Variants in MFSD6 observed in about 807,000 individuals in gnomAD.
MFSD6 encodes the protein major facilitator superfamily domain containing 6, also known as major facilitator superfamily domain-containing protein 6.
A neutral mutation model predicts 56.3 loss-of-function variants in MFSD6; 26 were observed. The observed-to-expected ratio is 0.46, with a 90% CI of 0.34 to 0.64. MFSD6 has a LOEUF of 0.64. Ranked by LOEUF, MFSD6 falls within the 30% of genes least tolerant of loss-of-function variation. The pLI is 0.01. For synonymous variants in MFSD6, 331 were observed against 366.9 expected (o/e 0.90, Z 1.12); for missense variants, 750 against 986.2 (o/e 0.76, Z 3.21).
chr2:190,447,509 T>C lies in MFSD6; in HGVS notation c.1532+9948T>C, dbSNP rs1362049695. On this transcript the variant is annotated intron_variant, in intron 3 of 7. Coordinates refer to ENST00000392328, the MANE Select transcript of MFSD6 (RefSeq NM_017694.4). This position sits in a 1 kb window ranked among gnomAD's most constrained non-coding sequence, Gnocchi z 4.5. ...TACATATAGTCTGTGTCATAGCACA[T>C]ATGAAAAAATGACCTACCTAGTGAT... Among the ~76,000 whole-genome samples the C allele has an allele frequency of 6.7e-6, 1 of 149,042 alleles. No individual in the cohort carries two copies. Among genetic ancestry groups the C allele is most frequent in the Non-Finnish European group, 1.5e-5 (1 of 67,998 alleles).
intron 1 of MFSD6, among the ~76,000 whole-genome samples, chr2:190,414,325 G>A (rs1690689437): frequency 6.6e-6 from 1 of 152,134 alleles, no homozygotes; most frequent in Non-Finnish European, 1.5e-5. Flanking sequence ...ATCCAGCAAA[G>A]GCAAGCTTCT....
At position 190,434,928 on chromosome 2, in the gene MFSD6, A is replaced by G. The variant is rs1686126881; in HGVS notation, c.-53-1049A>G. ...CATGAGCTCTTCCTCCTGTCAGATC[A>G]GCAGAGGTATTAGATTTGCATAGGA... On this transcript the variant is annotated intron_variant, in intron 2 of 7. Coordinates refer to ENST00000392328, the MANE Select transcript of MFSD6 (RefSeq NM_017694.4). This position sits in a 1 kb window ranked among gnomAD's most constrained non-coding sequence, Gnocchi z 4.3. 1.3e-5 allele frequency among the ~76,000 whole-genome samples: 2 copies of G among 152,196 alleles called. No individual in the cohort carries two copies. Among genetic ancestry groups the G allele is most frequent in the African/African-American group, 4.8e-5 (2 of 41,444 alleles).
rs1392832173 is a variant in MFSD6 at position 190,424,704 on chromosome 2, C to T, written c.-54+9291C>T. On this transcript the variant is annotated intron_variant, in intron 2 of 7. Coordinates refer to ENST00000392328, the MANE Select transcript of MFSD6 (RefSeq NM_017694.4). The surrounding 1 kb of genome is among the most constrained non-coding windows in gnomAD (Gnocchi z 5.9). ...ATTTGTTGAAAGGTTACCTTTCCACCATTGAATTTTTTTTGCATCTTTGTT... is the reference window on the plus strand; with the variant it reads ...ATTTGTTGAAAGGTTACCTTTCCACTATTGAATTTTTTTTGCATCTTTGTT... 6.6e-6 allele frequency among the ~76,000 whole-genome samples: 1 copy of T among 152,046 alleles called. No homozygotes were observed. Among genetic ancestry groups the T allele is most frequent in the African/African-American group, 2.4e-5 (1 of 41,398 alleles).
intron 2 of MFSD6, among the ~76,000 whole-genome samples, chr2:190,420,391 C>A (rs146718608): frequency 0.015 from 2,295 of 152,020 alleles, 21 homozygotes; most frequent in Non-Finnish European, 0.024. Context: ...GGGCATTAAT[C>A]CCATCAAAAA....
chr2:190,411,701 A>T, intron 1 of MFSD6: 1 of 985,452 alleles, frequency 1.0e-6, no homozygotes. Flanking sequence ...GAGACTCAGG[A>T]GATCAAAGTG....
Position 190,426,990 on chromosome 2 carries a change from T to A in MFSD6, c.-53-8987T>A, listed in dbSNP as rs1401538754. Among the ~76,000 whole-genome samples, 1 of 152,202 alleles carries A rather than the reference T, an allele frequency of 6.6e-6. No homozygotes were observed. The highest frequency in any genetic ancestry group is 1.5e-5 in the Non-Finnish European group (1 of 68,024). On this transcript the variant is annotated intron_variant, in intron 2 of 7. Coordinates refer to ENST00000392328, the MANE Select transcript of MFSD6 (RefSeq NM_017694.4). This position sits in a 1 kb window ranked among gnomAD's most constrained non-coding sequence, Gnocchi z 4.7. ...GAAGGTGAAAGACTTTTCATTACTG[T>A]GAAGTGGAGATGGGCATTTCAGCTC...
In MFSD6 at chr2:190,447,320, G is replaced by A. The variant is rs1371924981; in HGVS notation, c.1532+9759G>A. 6.6e-6 allele frequency among the ~76,000 whole-genome samples: 1 copy of A among 152,188 alleles called. No homozygotes were observed. The highest frequency in any genetic ancestry group is 2.4e-5 in the African/African-American group (1 of 41,432). On this transcript the variant is annotated intron_variant, in intron 3 of 7. Coordinates refer to ENST00000392328, the MANE Select transcript of MFSD6 (RefSeq NM_017694.4). The surrounding 1 kb of genome is among the most constrained non-coding windows in gnomAD (Gnocchi z 4.5). ...TTCTGTTAGACATGAGTGATTGAGCGAAACTGTGAGGTTAGGTCAGTGTGA... is the reference window on the plus strand; with the variant it reads ...TTCTGTTAGACATGAGTGATTGAGCAAAACTGTGAGGTTAGGTCAGTGTGA...
chr2:190,452,909 C>T (rs921989644), intron 3 of MFSD6, among the ~76,000 whole-genome samples: 17 of 152,118 alleles, frequency 1.1e-4, no homozygotes, highest in African/African-American at 1.4e-4. Context: ...ATGATGACCA[C>T]GTATCATTTA....
intron 4 of MFSD6, among the ~76,000 whole-genome samples, chr2:190,475,351 G>A (rs1264525875): frequency 1.3e-5 from 2 of 152,202 alleles, no homozygotes; most frequent in African/African-American, 4.8e-5. Context: ...TAAGCTGATA[G>A]GCAACTTCAG....
chr2:190,452,680 C>T (rs1317134131), intron 3 of MFSD6, among the ~76,000 whole-genome samples: 1 of 152,186 alleles, frequency 6.6e-6, no homozygotes, highest in Non-Finnish European at 1.5e-5. Flanking sequence ...ATGACTAATG[C>T]CTGGTATCAC....
In MFSD6 at chr2:190,459,045, A is replaced by C. The variant is rs185111445; in HGVS notation, c.1533-10713A>C. Among the ~76,000 whole-genome samples, 1 of 152,326 alleles carries C rather than the reference A, an allele frequency of 6.6e-6. No individual in the cohort carries two copies. The highest frequency in any genetic ancestry group is 2.4e-5 in the African/African-American group (1 of 41,576). On this transcript the variant is annotated intron_variant, in intron 3 of 7. Coordinates refer to ENST00000392328, the MANE Select transcript of MFSD6 (RefSeq NM_017694.4). This position sits in a 1 kb window ranked among gnomAD's most constrained non-coding sequence, Gnocchi z 5.3. ...GGGTCCATCCCCTCTTCAGTAGAAA[A>C]GCCCTTCCCATCCTTGAGTCTCACC...
In MFSD6 at chr2:190,497,835, A is replaced by G; in HGVS notation, c.2172+116A>G. On this transcript the variant is annotated intron_variant, in intron 7 of 7. Coordinates refer to ENST00000392328, the MANE Select transcript of MFSD6 (RefSeq NM_017694.4). The surrounding 1 kb of genome is among the most constrained non-coding windows in gnomAD (Gnocchi z 5.2). ...AGATTTATTGAAAGTCTGGTGGGGG[A>G]AATAGACATGCAAACAATTTCAGTA... The G allele has an allele frequency of 8.0e-7, 1 of 1,244,964 alleles. No homozygotes were observed. The highest frequency in any genetic ancestry group is 1.1e-6 in the Non-Finnish European group (1 of 899,792). 77.1% of individuals were successfully genotyped at this position (1,244,964 alleles called of 1,614,324 possible). A position where few individuals can be genotyped will look rare whatever the true frequency, so the allele number is the denominator to read the frequency against.
rs1354102077 is a variant in MFSD6, at chr2:190,499,638, C to G, written c.2173-377C>G. 6.6e-6 allele frequency among the ~76,000 whole-genome samples: 1 copy of G among 152,236 alleles called. No individual in the cohort carries two copies. Among genetic ancestry groups the G allele is most frequent in the African/African-American group, 2.4e-5 (1 of 41,460 alleles). ...TCTTCTGGCTCTTGGATTCTGTGGT[C>G]TTAGCAAGCGGCCTGAGTTTCAGTT... is the stretch of plus-strand genomic sequence containing the variant. On this transcript the variant is annotated intron_variant, in intron 7 of 7. Coordinates refer to ENST00000392328, the MANE Select transcript of MFSD6 (RefSeq NM_017694.4). This position sits in a 1 kb window ranked among gnomAD's most constrained non-coding sequence, Gnocchi z 6.0.
rs1688933095 is a variant in MFSD6, at chr2:190,485,035, G to A, written c.1631-3622G>A. 6.6e-6 allele frequency among the ~76,000 whole-genome samples: 1 copy of A among 152,178 alleles called. No individual in the cohort carries two copies. Among genetic ancestry groups the A allele is most frequent in the African/African-American group, 2.4e-5 (1 of 41,434 alleles). On this transcript the variant is annotated intron_variant, in intron 4 of 7. Coordinates refer to ENST00000392328, the MANE Select transcript of MFSD6 (RefSeq NM_017694.4). The surrounding 1 kb of genome is among the most constrained non-coding windows in gnomAD (Gnocchi z 5.1). ...CAATATAGAAACTAGAAGTCTAACT[G>A]TGGAGAATCTTTTACAACTACCACT...
intron 4 of MFSD6, among the ~76,000 whole-genome samples, chr2:190,472,619 C>A (rs1294154359): frequency 6.6e-6 from 1 of 152,156 alleles, no homozygotes; most frequent in East Asian, 1.9e-4. Context: ...GATTGGTGTA[C>A]CTGAAAGTGA....
At position 190,469,184 on chromosome 2, in the gene MFSD6, G is replaced by A. The variant is rs1316938124; in HGVS notation, c.1533-574G>A. On this transcript the variant is annotated intron_variant, in intron 3 of 7. Transcript: ENST00000392328. The surrounding 1 kb of genome is among the most constrained non-coding windows in gnomAD (Gnocchi z 5.3). Reference sequence around the variant, plus strand: ...TGAACATGTATCCATTGAACTGATAGGAGAAACTATTTGATTTCCAAATAG... The same window carrying A: ...TGAACATGTATCCATTGAACTGATAAGAGAAACTATTTGATTTCCAAATAG... Among the ~76,000 whole-genome samples, 1 of 152,150 alleles carries A rather than the reference G, an allele frequency of 6.6e-6. No individual in the cohort carries two copies. The highest frequency in any genetic ancestry group is 1.5e-5 in the Non-Finnish European group (1 of 68,030).
rs59001642 is a variant in MFSD6 at position 190,417,965 on chromosome 2, G to GGTGTGTGTGTGT, written c.-54+2577_-54+2588dup. Among the ~76,000 whole-genome samples, 2,199 of 144,634 alleles carry GGTGTGTGTGTGT rather than the reference G, an allele frequency of 0.015. 37 individuals are homozygous for GGTGTGTGTGTGT. Among genetic ancestry groups the GGTGTGTGTGTGT allele is most frequent in the Admixed American group, 0.035 (505 of 14,472 alleles). 94.9% of individuals were successfully genotyped at this position (144,634 alleles called of 152,430 possible). A position where few individuals can be genotyped will look rare whatever the true frequency, so the allele number is the denominator to read the frequency against. On this transcript the variant is annotated intron_variant, in intron 2 of 7. Transcript: ENST00000392328. The surrounding 1 kb of genome is among the most constrained non-coding windows in gnomAD (Gnocchi z 5.7). The stretch of plus-strand genomic sequence containing the variant: ...CTGACTTTTCATTTAACCCTTTAGT[G>GGTGTGTGTGTGT]GTGTGTGTGTGTGTGTGTGTGTGTG...
In MFSD6 at chr2:190,451,685, A is replaced by G. The variant is rs987391543; in HGVS notation, c.1532+14124A>G. Among the ~76,000 whole-genome samples, 3 of 152,204 alleles carry G rather than the reference A, an allele frequency of 2.0e-5. No homozygotes were observed. The highest frequency in any genetic ancestry group is 4.4e-5 in the Non-Finnish European group (3 of 68,032). ...AAGTGGCATTTGAGCAGAGTCCTGAATGGAAGCCCCCAGTGAAGATCTTGG... is the reference window on the plus strand; with the variant it reads ...AAGTGGCATTTGAGCAGAGTCCTGAGTGGAAGCCCCCAGTGAAGATCTTGG... On this transcript the variant is annotated intron_variant, in intron 3 of 7. Coordinates refer to ENST00000392328, the MANE Select transcript of MFSD6 (RefSeq NM_017694.4). This position sits in a 1 kb window ranked among gnomAD's most constrained non-coding sequence, Gnocchi z 5.0.
chr2:190,479,676 T>G (rs1037834194), intron 4 of MFSD6, among the ~76,000 whole-genome samples: 1 of 152,168 alleles, frequency 6.6e-6, no homozygotes, highest in African/African-American at 2.4e-5. Context: ...AGAATTATCC[T>G]TGCTATTAAA....
Sources: allele counts gnomAD v4.1 joint callset (sites outside exome capture counted in the v4.1 genomes callset), GRCh38; gene constraint gnomAD v4.1.1; non-coding constraint Gnocchi (gnomAD v3.1); transcripts MANE v1.5; gene names NCBI Gene and HGNC (gene_info 2026-07-23, HGNC 2026-07-21).